Variants in FXYD1 observed in about 807,000 individuals in gnomAD.
FXYD1 encodes phospholemman.
A neutral mutation model predicts 17.2 loss-of-function variants in FXYD1; 9 were observed. The observed-to-expected ratio is 0.52, with a 90% confidence interval of 0.32 to 0.91. FXYD1 has a LOEUF of 0.91. FXYD1 is among the 40% of genes least tolerant of loss of function. FXYD1 has a pLI of 0.04. For missense variants in FXYD1, 113 were observed against 120.6 expected (o/e 0.94, Z 0.29); for synonymous variants, 55 against 45.8 (o/e 1.20, Z -0.81).
chr19:35,139,846 C>A (rs994273648), intron 1 of FXYD1: 7 of 495,992 alleles, frequency 1.4e-5, no homozygotes, highest in Admixed American at 3.3e-5. Flanking sequence ...GTCTCACCCC[C>A]GTCCCTGCTA....
intron 5 of FXYD1, 138 bp from the exon 6 acceptor site, chr19:35,142,334 C>A: frequency 1.5e-6 from 1 of 680,690 alleles, no homozygotes; most frequent in Non-Finnish European, 2.5e-6. Context: ...TCATTTCTGG[C>A]GGACCCCGAG....
intron 5 of FXYD1, 67 bp from the exon 6 acceptor site, chr19:35,142,405 G>C: frequency 8.2e-7 from 1 of 1,217,956 alleles, no homozygotes; most frequent in Non-Finnish European, 1.2e-6. Context: ...GCTTGTACTG[G>C]GGGGTTCCTA....
chr19:35,141,245 CCTGGCCCCACCTCTCT>C (rs1214398164), intron 4 of FXYD1, 39 bp downstream of exon 4: 233 of 1,145,692 alleles, frequency 2.0e-4, no homozygotes, highest in Non-Finnish European at 2.9e-4. Flanking sequence ...CCCGCCTCTC[CCTGGCCCCACCTCTCT>C]CTGGCCCCGC....
chr19:35,142,658 C>T, intron 6 of FXYD1, 62 bp from the exon 7 acceptor site: 2 of 1,585,098 alleles, frequency 1.3e-6, no homozygotes, highest in Non-Finnish European at 1.7e-6. Context: ...CCGCGGGCCC[C>T]ACCTGCCCAG....
intron 3 of FXYD1, 38 bp downstream of exon 3, chr19:35,140,667 C>T: frequency 6.3e-7 from 1 of 1,589,874 alleles, no homozygotes; most frequent in Non-Finnish European, 8.6e-7. Context: ...TGGGGGAGAG[C>T]CTGGCTTTGC....
intron 1 of FXYD1, chr19:35,139,405 C>A (rs1331350014): frequency 6.5e-6 from 1 of 152,856 alleles, no homozygotes; most frequent in African/African-American, 2.4e-5. Context: ...CAGAGGCGGG[C>A]AGAGGGGCTG....
chr19:35,141,690 C>A (rs2065258376), intron 5 of FXYD1, 118 bp downstream of exon 5: 1 of 809,040 alleles, frequency 1.2e-6, no homozygotes, highest in South Asian at 1.6e-5. Flanking sequence ...GTATTAAGCA[C>A]CTACTATGTG....
chr19:35,141,047 C>G, intron 3 of FXYD1, 85 bp from the exon 4 acceptor site: 2 of 824,530 alleles, frequency 2.4e-6, no homozygotes, highest in South Asian at 1.4e-5. Flanking sequence ...GTCCTTTCTC[C>G]CTGTTCCCTC....
chr19:35,140,521 C>A (rs2065241651), intron 2 of FXYD1, 76 bp from the exon 3 acceptor site: 13 of 1,316,638 alleles, frequency 9.9e-6, no homozygotes, highest in Non-Finnish European at 1.4e-5. Context: ...AAGGCAGAGC[C>A]TCCAGTGGTC....
rs1169375633 is a variant in FXYD1, at chr19:35,142,978, C to G, written c.*91C>G. The G allele has an allele frequency of 1.7e-6, 1 of 586,578 alleles. No homozygotes were observed. The highest frequency in any genetic ancestry group is 1.9e-5 in the African/African-American group (1 of 52,314). 36.3% of individuals were successfully genotyped at this position (586,578 alleles called of 1,614,324 possible). On this transcript the variant is annotated 3_prime_UTR_variant, in exon 8 of 8. Coordinates refer to ENST00000351325, the MANE Select transcript of FXYD1 (RefSeq NM_021902.4). ...TGCGCGCCCACCGCCCCCTCCGCCGCCCCTTCCCCAGCCCTGCCCCCGCAG... is the reference window on the plus strand; with the variant it reads ...TGCGCGCCCACCGCCCCCTCCGCCGGCCCTTCCCCAGCCCTGCCCCCGCAG...
At chr19:35,138,395 C>G (rs2050112824), upstream of FXYD1, 1 of 152,188 alleles carries the variant, frequency 6.6e-6, no homozygotes, top group Non-Finnish European at 1.5e-5. Flanking sequence ...CACACACACA[C>G]ACCTCCCTCC....
In FXYD1 at chr19:35,141,545, GC is replaced by G; in HGVS notation, c.181del (p.Arg61GlyfsTer81). On this transcript the variant is annotated frameshift_variant, in exon 5 of 8. Transcript: ENST00000351325. LOFTEE classifies it high-confidence loss of function. Reference sequence around the variant, plus strand: ...CTCTCCACGCCCACAGGCAGAAGATGCCGGTGCAAGTTCAACCAGCAGCAGA... The same window carrying G: ...CTCTCCACGCCCACAGGCAGAAGATGCGGTGCAAGTTCAACCAGCAGCAGA... ...LGILIVLSRR[C>X]RCKFNQQQRT... 1 of 1,610,646 alleles carries G rather than the reference GC, an allele frequency of 6.2e-7. No homozygotes were observed. The highest frequency in any genetic ancestry group is 8.5e-7 in the Non-Finnish European group (1 of 1,178,704).
chr19:35,141,097 C>G, intron 3 of FXYD1, 35 bp from the exon 4 acceptor site: 1 of 1,395,570 alleles, frequency 7.2e-7, no homozygotes, highest in East Asian at 2.3e-5. Context: ...CTCCTGTCTT[C>G]CCTGCCCTCA....
rs957763952 is a variant in FXYD1 at position 35,140,160 on chromosome 19, C to T, written c.61+20C>T. On this transcript the variant is annotated intron_variant, in intron 2 of 7. Coordinates refer to ENST00000351325, the MANE Select transcript of FXYD1 (RefSeq NM_021902.4). The stretch of plus-strand genomic sequence containing the variant: ...AGGCAGGTGAGTGCAGGGGAGGCTG[C>T]CCGCTACCCACCTCAGCCCCAGGGG... 8 of 1,346,828 alleles carry T rather than the reference C, an allele frequency of 5.9e-6. 1 individual carries two copies. Among genetic ancestry groups the T allele is most frequent in the Non-Finnish European group, 8.5e-6 (8 of 936,456 alleles). The allele number at this position is 1,346,828 out of a possible 1,614,324, so 83.4% of individuals were successfully genotyped here.
upstream of FXYD1, chr19:35,137,878 G>C (rs12980134): frequency 1.2e-4 from 18 of 152,220 alleles, no homozygotes; most frequent in African/African-American, 4.1e-4. Context: ...TGATCCTCCC[G>C]CCTTGGCCTC....
chr19:35,140,929 C>T, intron 3 of FXYD1: 1 of 341,014 alleles, frequency 2.9e-6, no homozygotes, highest in Non-Finnish European at 5.7e-6. Flanking sequence ...TCCTCCCTGT[C>T]CCCTCCCTCC....
chr19:35,141,048 C>T, intron 3 of FXYD1, 84 bp from the exon 4 acceptor site: 1 of 828,414 alleles, frequency 1.2e-6, no homozygotes, highest in Non-Finnish European at 2.1e-6. Flanking sequence ...TCCTTTCTCC[C>T]TGTTCCCTCC....
chr19:35,140,641 G>T lies in FXYD1; in HGVS notation c.94+12G>T, dbSNP rs774343035. ...CCCGTTCACTTACGGTGAGCGGGGG[G>T]TCTAATTTTGAGTCCTGGGGGAGAG... On this transcript the variant is annotated intron_variant, in intron 3 of 7. Coordinates refer to ENST00000351325, the MANE Select transcript of FXYD1 (RefSeq NM_021902.4). 2 of 1,612,514 alleles carry T rather than the reference G, an allele frequency of 1.2e-6. No homozygotes were observed. The highest frequency in any genetic ancestry group is 1.1e-5 in the South Asian group (1 of 91,008).
At chr19:35,141,358 C>A in intron 4 of FXYD1, 152 bp downstream of exon 4, 1 of 651,564 alleles carries the variant, frequency 1.5e-6, no homozygotes, top group Non-Finnish European at 2.7e-6. Context: ...CGCCCCGCCC[C>A]AACCCCTCCC....
Sources: gnomAD v4.1 joint callset for allele counts on GRCh38, gnomAD v4.1.1 for gene constraint, MANE v1.5 for transcripts, NCBI Gene and HGNC (gene_info 2026-07-23, HGNC 2026-07-21) for gene names.